Variants in TFF1 observed in about 807,000 individuals in gnomAD.
TFF1 encodes breast cancer estrogen-inducible protein.
A neutral mutation model predicts 7.7 loss-of-function variants in TFF1; 8 were observed. The observed-to-expected ratio is 1.04, with a 90% CI of 0.61 to 1.87. The LOEUF is 1.87. Among genes scored for constraint, TFF1 ranks in the 40% most tolerant of loss-of-function variants. The pLI, the probability that TFF1 is intolerant of heterozygous loss-of-function variation, is 0.00. For synonymous variants in TFF1, 47 were observed against 44.8 expected (o/e 1.05, Z -0.19); for missense variants, 120 against 113.4 (o/e 1.06, Z -0.26).
At position 42,363,318 on chromosome 21, in the gene TFF1, C is replaced by T. The variant is rs768466436; in HGVS notation, c.175G>A (p.Asp59Asn). Residue 59 changes from aspartate to asparagine, a missense_variant, in exon 2 of 3, where the codon GAC becomes AAC. Transcript: ENST00000291527. ...CAGGGGACCCCACGAACGGTGTCGT[C>T]GAAACAGCAGCCCTTATTTGCACAC... ...SQCANKGCCF[D>N]DTVRGVPWCF... 73 of 1,614,042 alleles carry T rather than the reference C, an allele frequency of 4.5e-5. No individual in the cohort carries two copies. The highest frequency in any genetic ancestry group is 1.0e-4 in the Admixed American group (6 of 59,996).
intron 1 of TFF1, 57 bp downstream of exon 1, chr21:42,366,354 G>T (rs921015368): frequency 3.0e-5 from 42 of 1,402,810 alleles, no homozygotes; most frequent in Non-Finnish European, 3.9e-5. Flanking sequence ...AGTGGCTCCT[G>T]GCGGAGGCTG....
chr21:42,365,834 A>G (rs1296063009), intron 1 of TFF1, among the ~76,000 whole-genome samples: 1 of 152,130 alleles, frequency 6.6e-6, no homozygotes, highest in African/African-American at 2.4e-5. Flanking sequence ...CCACTTGACA[A>G]CACCAGGGAA....
At chr21:42,365,163 C>T (rs1434328073) in intron 1 of TFF1, among the ~76,000 whole-genome samples, 1 of 152,118 alleles carries the variant, frequency 6.6e-6, no homozygotes, top group Admixed American at 6.5e-5. Flanking sequence ...GGATCATGGA[C>T]CTGAGTGACC....
chr21:42,366,190 C>T (rs116458400), intron 1 of TFF1, among the ~76,000 whole-genome samples: 2,379 of 152,264 alleles, frequency 0.016, 69 homozygotes, highest in African/African-American at 0.055. Flanking sequence ...GAAGGCAGCC[C>T]CCTCCTCGTC....
At position 42,363,323 on chromosome 21, in the gene TFF1, C is replaced by G. The variant is rs1343415596; in HGVS notation, c.170G>C (p.Cys57Ser). 6 of 1,614,208 alleles carry G rather than the reference C, an allele frequency of 3.7e-6. No homozygotes were observed. The highest frequency in any genetic ancestry group is 5.1e-6 in the Non-Finnish European group (6 of 1,180,042). Residue 57 changes from cysteine to serine, a missense_variant, in exon 2 of 3, where the codon TGT becomes TCT. By Grantham distance (112) the Cys-to-Ser change is moderately radical. Transcript: ENST00000291527. ...TPSQCANKGC[C>S]FDDTVRGVPW... ...GACCCCACGAACGGTGTCGTCGAAACAGCAGCCCTTATTTGCACACTGGGA... is the reference window on the plus strand; with the variant it reads ...GACCCCACGAACGGTGTCGTCGAAAGAGCAGCCCTTATTTGCACACTGGGA...
In TFF1 at chr21:42,362,350, T is replaced by C; in HGVS notation, c.*129A>G. The stretch of plus-strand genomic sequence containing the variant: ...CAAAGTCAGAGCAGTCAATCTGTGT[T>C]GTGAGCCGAGGCACAGCTGCAGAAG... On this transcript the variant is annotated 3_prime_UTR_variant, in exon 3 of 3. Transcript: ENST00000291527. 1 of 1,051,488 alleles carries C rather than the reference T, an allele frequency of 9.5e-7. No individual in the cohort carries two copies. The allele number at this position is 1,051,488 out of a possible 1,614,324, so 65.1% of individuals were successfully genotyped here. A position where few individuals can be genotyped will look rare whatever the true frequency, so the allele number is the denominator to read the frequency against.
chr21:42,365,435 T>C (rs1031400099), intron 1 of TFF1, among the ~76,000 whole-genome samples: 1 of 152,124 alleles, frequency 6.6e-6, no homozygotes, highest in Non-Finnish European at 1.5e-5. Context: ...AGCCCAATGC[T>C]GGCTGCTCTT....
At chr21:42,362,814 G>A (rs2052248498) in intron 2 of TFF1, among the ~76,000 whole-genome samples, 1 of 151,160 alleles carries the variant, frequency 6.6e-6, no homozygotes, top group Non-Finnish European at 1.5e-5. Flanking sequence ...AGGAAGCTGA[G>A]GTTGAACTCA....
Position 42,366,428 on chromosome 21 carries a change from A to G in TFF1, c.68T>C (p.Leu23Pro), listed in dbSNP as rs748400779. The G allele has an allele frequency of 7.4e-6, 12 of 1,611,616 alleles. No homozygotes were observed. The highest frequency in any genetic ancestry group is 2.2e-5 in the South Asian group (2 of 90,968). ...CGCCTTACCTGTCTGGGCCTCGGCC[A>G]GGGTGCCGAGGGCCAGCATGGACAC... is the stretch of plus-strand genomic sequence containing the variant. ...VLVSMLALGT[L>P]AEAQTETCTV... Residue 23 changes from leucine to proline, a missense_variant, in exon 1 of 3, where the codon CTG (leucine) becomes CCG (proline). Physicochemically the swap from Leu to Pro is moderately conservative, Grantham distance 98. Coordinates refer to ENST00000291527, the MANE Select transcript of TFF1 (RefSeq NM_003225.3).
At chr21:42,366,214 G>A (rs569526899) in intron 1 of TFF1, among the ~76,000 whole-genome samples, 197 bp downstream of exon 1, 7 of 152,270 alleles carry the variant, frequency 4.6e-5, no homozygotes, top group Non-Finnish European at 1.0e-4. Context: ...CTTCTCGAAG[G>A]TCTCCGGGGG....
rs952884577 is a variant in TFF1, at chr21:42,362,290, G to A, written c.*189C>T. 7 of 615,458 alleles carry A rather than the reference G, an allele frequency of 1.1e-5. No homozygotes were observed. The highest frequency in any genetic ancestry group is 1.9e-5 in the African/African-American group (1 of 52,082). The allele number at this position is 615,458 out of a possible 1,614,324, so 38.1% of individuals were successfully genotyped here. On this transcript the variant is annotated 3_prime_UTR_variant, in exon 3 of 3. Coordinates refer to ENST00000291527, the MANE Select transcript of TFF1 (RefSeq NM_003225.3). Reference sequence around the variant, plus strand: ...AGAATGAACAGCACAGATTAATATCGATCTCTTTTAATTTTTAGGCCAATT... The same window carrying A: ...AGAATGAACAGCACAGATTAATATCAATCTCTTTTAATTTTTAGGCCAATT...
At position 42,366,430 on chromosome 21, in the gene TFF1, G is replaced by A. The variant is rs1314135026; in HGVS notation, c.66C>T (p.Thr22=). The A allele has an allele frequency of 6.2e-7, 1 of 1,611,596 alleles. No homozygotes were observed. ...CCTTACCTGTCTGGGCCTCGGCCAGGGTGCCGAGGGCCAGCATGGACACCA... is the reference window on the plus strand; with the variant it reads ...CCTTACCTGTCTGGGCCTCGGCCAGAGTGCCGAGGGCCAGCATGGACACCA... ...LVLVSMLALG[T]LAEAQTETCT... Residue 22 remains threonine, a synonymous_variant, in exon 1 of 3, where the codon ACC becomes ACT. Transcript: ENST00000291527.
At position 42,363,369 on chromosome 21, in the gene TFF1, C is replaced by T. The variant is rs776592247; in HGVS notation, c.124G>A (p.Gly42Ser). ...TVAPRERQNC[G>S]FPGVTPSQCA... ...TGGGAGGGCGTGACACCAGGAAAAC[C>T]ACAATTCTGTCTTTCACGGGGGGCC... is the stretch of plus-strand genomic sequence containing the variant. The change falls in exon 2 of 3, where the codon GGT becomes AGT. Residue 42 changes from glycine to serine, a missense_variant. Coordinates refer to ENST00000291527, the MANE Select transcript of TFF1 (RefSeq NM_003225.3). 6.2e-7 allele frequency: 1 copy of T among 1,614,092 alleles called. No individual in the cohort carries two copies. Among genetic ancestry groups the T allele is most frequent in the Non-Finnish European group, 8.5e-7 (1 of 1,180,020 alleles).
intron 1 of TFF1, among the ~76,000 whole-genome samples, chr21:42,364,082 GA>G: frequency 6.7e-6 from 1 of 148,996 alleles, no homozygotes; most frequent in East Asian, 1.9e-4. Flanking sequence ...ACTCCAGCCT[GA>G]GTGACAGAGC....
chr21:42,364,378 G>A (rs1349852235), intron 1 of TFF1, among the ~76,000 whole-genome samples: 5 of 152,214 alleles, frequency 3.3e-5, no homozygotes, highest in Non-Finnish European at 7.3e-5. Flanking sequence ...AAGGTGAGAG[G>A]ACCGGGTGGG....
chr21:42,363,558 G>T, intron 1 of TFF1, 151 bp from the exon 2 acceptor site: 3 of 1,012,370 alleles, frequency 3.0e-6, no homozygotes, highest in Non-Finnish European at 4.2e-6. Context: ...AGGGAGACGT[G>T]GTCCTCACAT....
chr21:42,362,545 A>G, intron 2 of TFF1, 50 bp from the exon 3 acceptor site: 1 of 1,524,914 alleles, frequency 6.6e-7, no homozygotes, highest in Non-Finnish European at 8.8e-7. Flanking sequence ...GAGGATAAAC[A>G]TTTTCTTTCA....
rs1443655654 is a variant in TFF1 at position 42,363,283 on chromosome 21, A to G, written c.210T>C (p.Tyr70=). ...DTVRGVPWCF[Y]PNTIDVPPEE... Reference sequence around the variant, plus strand: ...CTGGAGGGACGTCGATGGTATTAGGATAGAAGCACCAGGGGACCCCACGAA... The same window carrying G: ...CTGGAGGGACGTCGATGGTATTAGGGTAGAAGCACCAGGGGACCCCACGAA... The change falls in exon 2 of 3, where the codon TAT becomes TAC. Residue 70 remains tyrosine (Y), a synonymous_variant. Transcript: ENST00000291527. 2 of 1,614,210 alleles carry G rather than the reference A, an allele frequency of 1.2e-6. No individual in the cohort carries two copies. The highest frequency in any genetic ancestry group is 1.7e-5 in the Admixed American group (1 of 60,030).
intron 1 of TFF1, among the ~76,000 whole-genome samples, chr21:42,364,693 T>A (rs1601504941): frequency 6.6e-6 from 1 of 152,160 alleles, no homozygotes; most frequent in Non-Finnish European, 1.5e-5. Flanking sequence ...AGGAACTCAG[T>A]CTGGCCACAC....
Sources: allele counts gnomAD v4.1 joint callset (sites outside exome capture counted in the v4.1 genomes callset), GRCh38; gene constraint gnomAD v4.1.1; transcripts MANE v1.5; gene names NCBI Gene and HGNC (gene_info 2026-07-23, HGNC 2026-07-21).